The following TJP2 variants were observed in gnomAD, a reference collection of about 807,000 sequenced individuals.
TJP2 encodes the protein Friedreich ataxia region gene X104 (tight junction protein ZO-2).
Under a neutral mutation model 133.1 loss-of-function variants are expected in TJP2, and 91 were observed. The ratio of observed to expected loss-of-function variants is 0.68; its 90% CI spans 0.58 to 0.81. The LOEUF (loss-of-function observed/expected upper bound fraction) is 0.81. TJP2 is among the 40% of genes least tolerant of loss of function. The pLI, the probability that TJP2 is intolerant of heterozygous loss-of-function variation, is 0.00. For synonymous variants in TJP2, 592 were observed against 583.4 expected, an observed-to-expected ratio of 1.01 and a Z score of -0.21; for missense variants, 1,541 against 1,565.6, an observed-to-expected ratio of 0.98 and a Z score of 0.26.
chr9:69,248,475 A>G (rs529783094), intron 19 of TJP2: 1 of 1,334,630 alleles, frequency 7.5e-7, no homozygotes, highest in Non-Finnish European at 9.6e-7. Flanking sequence ...GGTGCGATGG[A>G]TAAACAGAAT....
chr9:69,150,540 C>A (rs1823422256), intron 1 of TJP2, among the ~76,000 whole-genome samples: 1 of 152,118 alleles, frequency 6.6e-6, no homozygotes, highest in Non-Finnish European at 1.5e-5. Flanking sequence ...TCAGGTGATC[C>A]ACCCGCCTCA....
intron 21 of TJP2, among the ~76,000 whole-genome samples, chr9:69,252,246 C>T (rs1831391748): frequency 6.6e-6 from 1 of 152,168 alleles, no homozygotes; most frequent in African/African-American, 2.4e-5. Context: ...GCACCCTCCT[C>T]AGCCTCCCAA....
At chr9:69,197,654 ACTGAGCAATG>A (rs1156565669) in intron 1 of TJP2, among the ~76,000 whole-genome samples, 1 of 152,202 alleles carries the variant, frequency 6.6e-6, no homozygotes, top group East Asian at 1.9e-4. Flanking sequence ...TGTGATGGGT[ACTGAGCAATG>A]CTCTCCAGAA....
At position 69,220,892 on chromosome 9, in the gene TJP2, C is replaced by T. The variant is rs751535451; in HGVS notation, c.348C>T (p.Val116=). 11 of 1,612,090 alleles carry T rather than the reference C, an allele frequency of 6.8e-6. No homozygotes were observed. The African/African-American group carries it at 1.2e-4, about 18-fold the overall frequency. Residue 116 remains valine (V), a synonymous_variant, in exon 5 of 23, where the codon GTC becomes GTT. Coordinates refer to ENST00000377245, the MANE Select transcript of TJP2 (RefSeq NM_004817.4). ...TGAGTTTGTTTTGACAACAGGTGGT[C>T]AAGAGGCCCCGGAAGGTCCAGGTGG... ...RKSGKVAAIV[V]KRPRKVQVAA...
At chr9:69,131,932 C>T (rs1019648659) in intron 1 of TJP2, among the ~76,000 whole-genome samples, 1 of 152,150 alleles carries the variant, frequency 6.6e-6, no homozygotes. Context: ...CAGAGTTGTA[C>T]TCATGGCTAT....
Position 69,254,385 on chromosome 9 carries a change from A to G in TJP2, c.*11A>G. 6.2e-7 allele frequency: 1 copy of G among 1,613,990 alleles called. No individual in the cohort carries two copies. The highest frequency in any genetic ancestry group is 1.1e-5 in the South Asian group (1 of 91,080). On this transcript the variant is annotated 3_prime_UTR_variant, in exon 23 of 23. Coordinates refer to ENST00000377245, the MANE Select transcript of TJP2 (RefSeq NM_004817.4). ...GACACAGAATTATAGATGTCTGAGC[A>G]CGGACTCTCCCAGGCCTGCCTGCAT...
chr9:69,250,460 G>A (rs1241045563), intron 20 of TJP2, among the ~76,000 whole-genome samples: 1 of 150,286 alleles, frequency 6.7e-6, no homozygotes. Flanking sequence ...GCCATCAGAA[G>A]TAGTAAATGT....
At chr9:69,223,440 TG>T (rs1418494989) in intron 5 of TJP2, among the ~76,000 whole-genome samples, 1 of 152,196 alleles carries the variant, frequency 6.6e-6, no homozygotes, top group Non-Finnish European at 1.5e-5. Flanking sequence ...CCCAAGTAGC[TG>T]GGACTGTAGG....
chr9:69,235,036 G>A (rs1461164335), intron 12 of TJP2, among the ~76,000 whole-genome samples: 2 of 152,212 alleles, frequency 1.3e-5, no homozygotes, highest in African/African-American at 4.8e-5. Context: ...AATGATAGGA[G>A]ATATTGGAAT....
rs886044597 is a variant in TJP2 at position 69,229,256 on chromosome 9, T to G, written c.1520+6T>G. ...GAAGATGAAGCAATATATGGGTATG[T>G]ATTTCCGTCTCTCTTTGTTTTCCCT... is the stretch of plus-strand genomic sequence containing the variant. On this transcript the variant is annotated splice_donor_region_variant and intron_variant, in intron 10 of 22. Coordinates refer to ENST00000377245, the MANE Select transcript of TJP2 (RefSeq NM_004817.4). 6.2e-7 allele frequency: 1 copy of G among 1,612,794 alleles called. No homozygotes were observed.
chr9:69,173,358 CA>C (rs1351219203), upstream of TJP2, among the ~76,000 whole-genome samples: 3 of 152,170 alleles, frequency 2.0e-5, no homozygotes, highest in Non-Finnish European at 4.4e-5. Context: ...AAAATAAAGA[CA>C]CTTAACGTCA....
intron 21 of TJP2, among the ~76,000 whole-genome samples, chr9:69,252,506 C>G (rs961310978): frequency 6.6e-6 from 1 of 152,192 alleles, no homozygotes; most frequent in African/African-American, 2.4e-5. Flanking sequence ...GTAGGAACCT[C>G]CTATAAGTAG....
At chr9:69,200,118 A>T (rs186462902) in intron 1 of TJP2, among the ~76,000 whole-genome samples, 20 of 152,232 alleles carry the variant, frequency 1.3e-4, no homozygotes, top group Admixed American at 1.2e-3. Flanking sequence ...GAGAACGTGA[A>T]ATCCTGTGTG....
At chr9:69,137,291 C>CCT (rs1822805557) in intron 1 of TJP2, among the ~76,000 whole-genome samples, 6 of 75,452 alleles carry the variant, frequency 8.0e-5, no homozygotes, top group East Asian at 6.2e-4. Flanking sequence ...TTCTTTCTTT[C>CCT]TTTCTTTCTT....
intron 16 of TJP2, 152 bp from the exon 17 acceptor site, chr9:69,239,785 G>T (rs186528175): frequency 1.3e-6 from 1 of 788,170 alleles, no homozygotes; most frequent in Non-Finnish European, 2.1e-6. Context: ...CTGCACTCCA[G>T]CCTGGGCAAC....
At chr9:69,178,819 T>G (rs1306548205) in intron 1 of TJP2, among the ~76,000 whole-genome samples, 1 of 152,154 alleles carries the variant, frequency 6.6e-6, no homozygotes, top group African/African-American at 2.4e-5. Flanking sequence ...GGAGGAAGTA[T>G]TTTGACACTG....
Position 69,254,199 on chromosome 9 carries a change from T to G in TJP2, c.3408-10T>G, listed in dbSNP as rs977665371. 6.2e-7 allele frequency: 1 copy of G among 1,614,222 alleles called. No individual in the cohort carries two copies. The highest frequency in any genetic ancestry group is 1.3e-5 in the African/African-American group (1 of 75,046). On this transcript the variant is annotated splice_polypyrimidine_tract_variant and intron_variant, in intron 22 of 22. Transcript: ENST00000377245. ...GCTCTGGAATGTCTTTAACACCCTT[T>G]TTTTGTTAGTTCCAGACCCCCTGAG...
At chr9:69,130,520 C>CT (rs1587871863) in intron 1 of TJP2, among the ~76,000 whole-genome samples, 1 of 152,098 alleles carries the variant, frequency 6.6e-6, no homozygotes. Flanking sequence ...ATCTGTGTCT[C>CT]TAACGAGTGC....
intron 9 of TJP2, among the ~76,000 whole-genome samples, chr9:69,228,862 C>T (rs1360595381): frequency 1.3e-5 from 2 of 152,112 alleles, no homozygotes; most frequent in Non-Finnish European, 2.9e-5. Flanking sequence ...CTACAATTAT[C>T]ATCATAATTT....
Sources: gnomAD v4.1 joint callset for allele counts (sites outside exome capture counted in the v4.1 genomes callset) on GRCh38, gnomAD v4.1.1 for gene constraint, MANE v1.5 for transcripts, NCBI Gene and HGNC (gene_info 2026-07-23, HGNC 2026-07-21) for gene names.